DPP6: variants seen among roughly 807,000 people sequenced by gnomAD.
DPP6 encodes A-type potassium channel modulatory protein DPP6.
In DPP6, 69 loss-of-function variants were observed where a neutral mutation model predicts 122.6. The ratio of observed to expected loss-of-function variants is 0.56; its 90% CI spans 0.46 to 0.69. The LOEUF is 0.69. Among genes scored for constraint, DPP6 ranks in the 30% least tolerant of loss-of-function variants. The pLI is 0.00. For synonymous variants in DPP6, 418 were observed against 433.1 expected (o/e 0.97, Z 0.43); for missense variants, 928 against 1,116.9 (o/e 0.83, Z 2.41).
At chr7:154,356,487 G>C (rs1050016681) in intron 1 of DPP6, among the ~76,000 whole-genome samples, 1 of 152,100 alleles carries the variant, frequency 6.6e-6, no homozygotes, top group African/African-American at 2.4e-5. Flanking sequence ...AGGATGGCTT[G>C]AGGCCAGGAG....
chr7:154,690,262 C>T (rs143426508), intron 7 of DPP6, among the ~76,000 whole-genome samples: 1,656 of 152,232 alleles, frequency 0.011, 39 homozygotes, highest in African/African-American at 0.038. Context: ...GCATCCCATC[C>T]AGAGTTTTTA....
chr7:153,809,309 T>C, the DPP6 span, among the ~76,000 whole-genome samples: 1 of 152,016 alleles, frequency 6.6e-6, no homozygotes, highest in African/African-American at 2.4e-5. Context: ...TTCTCTGCTT[T>C]TCAGTGCCTT....
At chr7:154,853,479 G>A (rs924101980) in intron 16 of DPP6, among the ~76,000 whole-genome samples, 2 of 152,204 alleles carry the variant, frequency 1.3e-5, no homozygotes, top group African/African-American at 4.8e-5. Flanking sequence ...ATGTTATGAG[G>A]ATATAAACCA....
chr7:154,470,525 A>C (rs1363648773), intron 2 of DPP6, among the ~76,000 whole-genome samples: 1 of 152,160 alleles, frequency 6.6e-6, no homozygotes, highest in African/African-American at 2.4e-5. Context: ...ATTTATTTCT[A>C]GTTTTCTGGT....
intron 1 of DPP6, among the ~76,000 whole-genome samples, chr7:154,017,606 A>T (rs1397023347): frequency 6.6e-6 from 1 of 151,708 alleles, no homozygotes; most frequent in Non-Finnish European, 1.5e-5. Context: ...AGGCTGAGGC[A>T]TGAAGATTGC....
chr7:154,313,687 A>ATG (rs1807119680), intron 1 of DPP6, among the ~76,000 whole-genome samples: 2 of 24,316 alleles, frequency 8.2e-5, no homozygotes, highest in African/African-American at 1.1e-4. Flanking sequence ...AAGATATGGT[A>ATG]TATATATATA....
In DPP6 at chr7:154,149,342, T is replaced by G. The variant is rs1796289788; in HGVS notation, c.243+96279T>G. ...CTGTTGTTTCAAGCCCTGCCCTGCC[T>G]TCTGGCTGCTGGATGGGGAATTGCA... On this transcript the variant is annotated intron_variant, in intron 1 of 25. Transcript: ENST00000377770. 5.9e-5 allele frequency among the ~76,000 whole-genome samples: 9 copies of G among 152,276 alleles called. No individual in the cohort carries two copies. The South Asian group carries it at 1.9e-3, about 32-fold the overall frequency.
At chr7:154,252,235 T>TGC (rs1554501569) in intron 1 of DPP6, among the ~76,000 whole-genome samples, 27 of 149,446 alleles carry the variant, frequency 1.8e-4, no homozygotes, top group East Asian at 5.8e-4. Flanking sequence ...TGTGTGTGTG[T>TGC]GCGCGCATGC....
intron 1 of DPP6, among the ~76,000 whole-genome samples, chr7:154,023,320 A>ACGCACACG (rs372465221): frequency 1.6e-5 from 2 of 127,838 alleles, no homozygotes; most frequent in African/African-American, 6.4e-5. Context: ...TCTTGTCTGC[A>ACGCACACG]CACACACACA....
intron 1 of DPP6, among the ~76,000 whole-genome samples, chr7:154,267,580 T>C (rs1314371131): frequency 6.6e-6 from 1 of 151,060 alleles, no homozygotes; most frequent in Non-Finnish European, 1.5e-5. Context: ...CACACACATA[T>C]GTGCACATAC....
chr7:154,073,456 T>A (rs1434756385), intron 1 of DPP6, among the ~76,000 whole-genome samples: 1 of 152,280 alleles, frequency 6.6e-6, no homozygotes, highest in Non-Finnish European at 1.5e-5. Context: ...CCTGGACCTA[T>A]ATCTGTGATC....
chr7:154,267,445 TATA>T (rs1803495546), intron 1 of DPP6, among the ~76,000 whole-genome samples: 1 of 148,066 alleles, frequency 6.8e-6, no homozygotes, highest in Non-Finnish European at 1.5e-5. Flanking sequence ...CACATACATA[TATA>T]ATGTGTGTAT....
At chr7:153,925,695 C>G (rs1053057219) in intron 1 of DPP6, among the ~76,000 whole-genome samples, 2 of 152,292 alleles carry the variant, frequency 1.3e-5, no homozygotes, top group Non-Finnish European at 1.5e-5. Context: ...GAAGGGAGAT[C>G]ATCCCACATG....
At chr7:154,623,665 GCACACACACA>G (rs1232483566) in intron 5 of DPP6, among the ~76,000 whole-genome samples, 1 of 150,866 alleles carries the variant, frequency 6.6e-6, no homozygotes, top group African/African-American at 2.4e-5. Context: ...GCACACACAC[GCACACACACA>G]CGCACATGCA....
intron 1 of DPP6, among the ~76,000 whole-genome samples, chr7:153,988,636 G>C (rs1796966710): frequency 6.6e-6 from 1 of 152,174 alleles, no homozygotes. Context: ...AGCTCAGAGC[G>C]GGGCCCGGAG....
chr7:153,977,198 G>GGGGTGT (rs1554424795), intron 1 of DPP6, among the ~76,000 whole-genome samples: 1 of 149,630 alleles, frequency 6.7e-6, no homozygotes, highest in African/African-American at 2.5e-5. Context: ...TACCAATAGG[G>GGGGTGT]GTGTGTGTGT....
intron 7 of DPP6, among the ~76,000 whole-genome samples, chr7:154,673,290 G>C (rs888673796): frequency 1.3e-4 from 20 of 152,216 alleles, no homozygotes; most frequent in Admixed American, 1.3e-4. Flanking sequence ...TTTGCAAAGA[G>C]CTTTGGGAAC....
chr7:153,815,180 C>G, the DPP6 span, among the ~76,000 whole-genome samples: 5 of 152,268 alleles, frequency 3.3e-5, no homozygotes, highest in South Asian at 4.2e-4. Context: ...TTCCTGTTTG[C>G]AAATGACATG....
intron 1 of DPP6, among the ~76,000 whole-genome samples, chr7:154,080,638 C>T (rs1391665356): frequency 6.6e-6 from 1 of 152,170 alleles, no homozygotes; most frequent in Non-Finnish European, 1.5e-5. Flanking sequence ...CTTGGTGCCA[C>T]CCAAGGTCAT....
Sources: allele counts gnomAD v4.1 joint callset (sites outside exome capture counted in the v4.1 genomes callset), GRCh38; gene constraint gnomAD v4.1.1; transcripts MANE v1.5; gene names NCBI Gene and HGNC (gene_info 2026-07-23, HGNC 2026-07-21).